AHCYL2: variants seen among roughly 807,000 people sequenced by gnomAD.
AHCYL2 encodes adenosylhomocysteinase like 2, also known as S-adenosylhomocysteine hydrolase-like protein 2.
In AHCYL2, 28 loss-of-function variants were observed where a neutral mutation model predicts 81.4. The observed-to-expected ratio is 0.34, with a 90% CI of 0.25 to 0.47. The LOEUF is 0.47. Among genes scored for constraint, AHCYL2 ranks in the 20% least tolerant of loss-of-function variants. AHCYL2 has a pLI of 1.00. For synonymous variants in AHCYL2, 272 were observed against 290.2 expected (o/e 0.94, Z 0.64); for missense variants, 551 against 785.1 (o/e 0.70, Z 3.56).
At chr7:129,334,859 GGAA>G (rs768660415) in intron 1 of AHCYL2, among the ~76,000 whole-genome samples, 1 of 152,132 alleles carries the variant, frequency 6.6e-6, no homozygotes, top group Non-Finnish European at 1.5e-5. Flanking sequence ...AATAAAGAAA[GGAA>G]GAAGAAGATA....
In AHCYL2 at chr7:129,283,444, G is replaced by GT. The variant is rs565369042; in HGVS notation, c.363+58007dup. On this transcript the variant is annotated intron_variant, in intron 1 of 16. Coordinates refer to ENST00000325006, the MANE Select transcript of AHCYL2 (RefSeq NM_015328.4). ...AGGCAGGTAGGTAAATCTTATACTTGTTATTACATATTGGCTAGAAATGGA... is the reference window on the plus strand; with the variant it reads ...AGGCAGGTAGGTAAATCTTATACTTGTTTATTACATATTGGCTAGAAATGGA... 1.7e-3 allele frequency: 774 copies of GT among 455,680 alleles called. 10 individuals are homozygous for GT. The highest frequency in any genetic ancestry group is 0.011 in the South Asian group (713 of 64,552). The allele number at this position is 455,680 out of a possible 1,614,324, so 28.2% of individuals were successfully genotyped here.
intron 1 of AHCYL2, among the ~76,000 whole-genome samples, chr7:129,347,310 G>C (rs1193230260): frequency 6.6e-6 from 1 of 152,154 alleles, no homozygotes; most frequent in Non-Finnish European, 1.5e-5. Context: ...GTCAGTGTAG[G>C]CTTATTGATT....
At chr7:129,300,480 C>CT (rs1348029682) in intron 1 of AHCYL2, among the ~76,000 whole-genome samples, 1 of 152,126 alleles carries the variant, frequency 6.6e-6, no homozygotes, top group Admixed American at 6.5e-5. Context: ...GGATCTCATT[C>CT]TTTTTTATGG....
Position 129,368,389 on chromosome 7 carries a change from T to C in AHCYL2, c.364-11249T>C. The C allele has an allele frequency of 6.4e-7, 1 of 1,567,112 alleles. No individual in the cohort carries two copies. Among genetic ancestry groups the C allele is most frequent in the South Asian group, 1.2e-5 (1 of 84,216 alleles). On this transcript the variant is annotated intron_variant, in intron 1 of 16. Coordinates refer to ENST00000325006, the MANE Select transcript of AHCYL2 (RefSeq NM_015328.4). This position sits in a 1 kb window ranked among gnomAD's most constrained non-coding sequence, Gnocchi z 4.4. ...GCTTCTGCTAGCCACTGTGAACTTC[T>C]GAATCTCACTAGGGTTGGGTCTGCT... is the stretch of plus-strand genomic sequence containing the variant.
intron 1 of AHCYL2, among the ~76,000 whole-genome samples, chr7:129,372,180 A>G (rs1794442659): frequency 6.6e-6 from 1 of 152,260 alleles, no homozygotes; most frequent in African/African-American, 2.4e-5. Flanking sequence ...TTAGACTTGC[A>G]TATCAATATG....
chr7:129,247,857 C>T (rs762091526), intron 1 of AHCYL2, among the ~76,000 whole-genome samples: 7 of 152,168 alleles, frequency 4.6e-5, no homozygotes, highest in Non-Finnish European at 8.8e-5. Flanking sequence ...CCACTTCTGC[C>T]TCCCAAAGTG....
chr7:129,291,647 G>C (rs1160736030), intron 1 of AHCYL2, among the ~76,000 whole-genome samples: 1 of 150,218 alleles, frequency 6.7e-6, no homozygotes, highest in Non-Finnish European at 1.5e-5. Context: ...GTGTCACCCA[G>C]GCTGGAGTGC....
rs539059813 is a variant in AHCYL2, at chr7:129,303,257, C to T, written c.364-76381C>T. On this transcript the variant is annotated intron_variant, in intron 1 of 16. Coordinates refer to ENST00000325006, the MANE Select transcript of AHCYL2 (RefSeq NM_015328.4). ...CAGGTGATCTGCCCGCCTTGGCCTC[C>T]GAAAGTGCTGGGATTACAGGCATAA... 9.9e-5 allele frequency among the ~76,000 whole-genome samples: 15 copies of T among 152,282 alleles called. No homozygotes were observed. The South Asian group carries it at 1.9e-3, about 19-fold the overall frequency.
chr7:129,355,179 C>G (rs916668074), intron 1 of AHCYL2, among the ~76,000 whole-genome samples: 2 of 152,110 alleles, frequency 1.3e-5, no homozygotes, highest in East Asian at 3.9e-4. Context: ...AACACGTGTC[C>G]TGTTCATAAT....
chr7:129,252,038 A>G (rs1178685341), intron 1 of AHCYL2, among the ~76,000 whole-genome samples: 1 of 152,218 alleles, frequency 6.6e-6, no homozygotes, highest in Non-Finnish European at 1.5e-5. Flanking sequence ...ATGCTGGCAC[A>G]TGATAAGTTC....
chr7:129,236,431 CCT>C (rs1485675051), intron 1 of AHCYL2, among the ~76,000 whole-genome samples: 3 of 151,974 alleles, frequency 2.0e-5, no homozygotes, highest in African/African-American at 7.3e-5. Flanking sequence ...GAACTCCTGA[CCT>C]CAGGTGATCC....
intron 7 of AHCYL2, among the ~76,000 whole-genome samples, chr7:129,404,428 T>C (rs1039131159): frequency 1.3e-5 from 2 of 152,154 alleles, no homozygotes; most frequent in Non-Finnish European, 2.9e-5. Context: ...ACTGCTTCAA[T>C]ACATTATCAT....
At chr7:129,373,828 A>G (rs914200363) in intron 1 of AHCYL2, among the ~76,000 whole-genome samples, 1 of 152,216 alleles carries the variant, frequency 6.6e-6, no homozygotes, top group Non-Finnish European at 1.5e-5. Flanking sequence ...TAGGAGGAGC[A>G]AAAGTTGAGA....
intron 1 of AHCYL2, among the ~76,000 whole-genome samples, chr7:129,273,405 C>T (rs976232013): frequency 2.4e-4 from 34 of 139,522 alleles, no homozygotes; most frequent in African/African-American, 8.2e-4. Flanking sequence ...CTTGGCTCAC[C>T]GCAACCTCTG....
At chr7:129,266,507 C>T (rs1026871805) in intron 1 of AHCYL2, among the ~76,000 whole-genome samples, 6 of 151,484 alleles carry the variant, frequency 4.0e-5, no homozygotes, top group Non-Finnish European at 8.8e-5. Flanking sequence ...CCATCCTGGG[C>T]AACAAGAGTG....
intron 1 of AHCYL2, among the ~76,000 whole-genome samples, chr7:129,340,720 A>G (rs1793150069): frequency 6.6e-6 from 1 of 152,172 alleles, no homozygotes; most frequent in South Asian, 2.1e-4. Flanking sequence ...GTTTTTTAAA[A>G]ATTATGAATT....
intron 1 of AHCYL2, among the ~76,000 whole-genome samples, chr7:129,378,818 T>C (rs1398651424): frequency 6.6e-6 from 1 of 152,200 alleles, no homozygotes; most frequent in East Asian, 1.9e-4. Flanking sequence ...CATCTAGATA[T>C]ATGGAGCTTA....
At chr7:129,404,836 C>G (rs1022921464) in intron 7 of AHCYL2, among the ~76,000 whole-genome samples, 7 of 152,312 alleles carry the variant, frequency 4.6e-5, no homozygotes, top group Middle Eastern at 3.4e-3. Context: ...TTTTTATAGT[C>G]TCCAGTGAAG....
rs1797439339 is a variant in AHCYL2, at chr7:129,428,186, G to GA, written c.*1142dup. ...AATTTGACTAGTTTGAACCTCGTCA[G>GA]ACATTCATTCCTTTGGCCATTGCCA... On this transcript the variant is annotated 3_prime_UTR_variant, in exon 17 of 17. Coordinates refer to ENST00000325006, the MANE Select transcript of AHCYL2 (RefSeq NM_015328.4). 6.6e-6 allele frequency: 1 copy of GA among 152,330 alleles called. No individual in the cohort carries two copies. Among genetic ancestry groups the GA allele is most frequent in the Admixed American group, 6.5e-5 (1 of 15,306 alleles). 9.4% of individuals were successfully genotyped at this position (152,330 alleles called of 1,614,324 possible). A position where few individuals can be genotyped will look rare whatever the true frequency, so the allele number is the denominator to read the frequency against.
Sources: allele counts gnomAD v4.1 joint callset (sites outside exome capture counted in the v4.1 genomes callset), GRCh38; gene constraint gnomAD v4.1.1; non-coding constraint Gnocchi (gnomAD v3.1); transcripts MANE v1.5; gene names NCBI Gene and HGNC (gene_info 2026-07-23, HGNC 2026-07-21).